Variants in RGS6 observed in about 807,000 individuals in gnomAD.
RGS6 encodes the protein regulator of G protein signaling 6, also known as regulator of G-protein signaling 6.
In RGS6, 30 loss-of-function variants were observed where a neutral mutation model predicts 78.5. The ratio of observed to expected loss-of-function variants is 0.38; its 90% CI spans 0.29 to 0.52. The LOEUF is 0.52. Among genes scored for constraint, RGS6 ranks in the 20% least tolerant of loss-of-function variants. RGS6 has a pLI of 0.85. For synonymous variants in RGS6, 206 were observed against 206.0 expected (o/e 1.00, Z 0.00); for missense variants, 495 against 609.7 (o/e 0.81, Z 1.98).
chr14:72,546,802 G>T (rs193184990), intron 17 of RGS6, among the ~76,000 whole-genome samples: 11 of 152,180 alleles, frequency 7.2e-5, no homozygotes, highest in Non-Finnish European at 1.6e-4. Context: ...GATCCAAATC[G>T]CGTACCCTGC....
intron 2 of RGS6, among the ~76,000 whole-genome samples, chr14:72,107,359 A>G (rs888352952): frequency 2.0e-5 from 3 of 152,314 alleles, no homozygotes; most frequent in East Asian, 1.9e-4. Context: ...AGCCTCTTCA[A>G]CTTGGCTCTT....
intron 3 of RGS6, among the ~76,000 whole-genome samples, chr14:72,419,611 T>G (rs185558235): frequency 6.6e-6 from 1 of 152,230 alleles, no homozygotes; most frequent in Admixed American, 6.5e-5. Context: ...GTTCCTGCTT[T>G]GTGCTGGCCA....
At chr14:72,397,880 C>T (rs1566731360) in intron 3 of RGS6, among the ~76,000 whole-genome samples, 1 of 152,140 alleles carries the variant, frequency 6.6e-6, no homozygotes, top group Non-Finnish European at 1.5e-5. Flanking sequence ...TTGAACCAGC[C>T]TTGCATCCCA....
intron 2 of RGS6, among the ~76,000 whole-genome samples, chr14:72,342,725 CAAAAAAAAAAAAAA>C (rs58717636): frequency 1.4e-5 from 1 of 71,412 alleles, no homozygotes; most frequent in Non-Finnish European, 2.5e-5. Flanking sequence ...GGCTTTGTCT[CAAAAAAAAAAAAAA>C]AAAAAAAAAA....
chr14:71,925,272 GATTGA>G, the RGS6 span, among the ~76,000 whole-genome samples: 1 of 152,182 alleles, frequency 6.6e-6, no homozygotes, highest in East Asian at 1.9e-4. Context: ...GTTTTCTTGC[GATTGA>G]ATTGAGTTCC....
chr14:72,127,325 A>G (rs1348884194), intron 2 of RGS6, among the ~76,000 whole-genome samples: 1 of 152,224 alleles, frequency 6.6e-6, no homozygotes, highest in Non-Finnish European at 1.5e-5. Flanking sequence ...ATTAGTATGT[A>G]AAGGAGCACT....
intron 17 of RGS6, among the ~76,000 whole-genome samples, chr14:72,554,103 G>A (rs780439540): frequency 2.0e-5 from 3 of 152,228 alleles, no homozygotes; most frequent in Non-Finnish European, 2.9e-5. Flanking sequence ...TGATAGTGGG[G>A]AAGAAAGAAA....
At chr14:72,619,772 G>T in the RGS6 span, 1 of 887,968 alleles carries the variant, frequency 1.1e-6, no homozygotes, top group Non-Finnish European at 1.6e-6. Flanking sequence ...GTGGGGTTGT[G>T]ATGATTAAAT....
At chr14:72,401,240 T>TAC (rs979904640) in intron 3 of RGS6, among the ~76,000 whole-genome samples, 1 of 152,098 alleles carries the variant, frequency 6.6e-6, no homozygotes, top group Non-Finnish European at 1.5e-5. Context: ...CGGACAAATA[T>TAC]GTTAACTAAA....
At chr14:72,399,885 AT>A (rs2092129885) in intron 3 of RGS6, among the ~76,000 whole-genome samples, 1 of 152,262 alleles carries the variant, frequency 6.6e-6, no homozygotes, top group South Asian at 2.1e-4. Context: ...ATATGGGACT[AT>A]GTGTAAAGCC....
chr14:72,003,653 C>T (rs1297399241), intron 2 of RGS6, among the ~76,000 whole-genome samples: 1 of 152,116 alleles, frequency 6.6e-6, no homozygotes, highest in African/African-American at 2.4e-5. Flanking sequence ...CTCCAGAAAG[C>T]AGCCTCTTAT....
intron 2 of RGS6, among the ~76,000 whole-genome samples, chr14:72,253,800 C>G (rs577361098): frequency 6.6e-6 from 1 of 152,310 alleles, no homozygotes; most frequent in Admixed American, 6.5e-5. Flanking sequence ...GCTGGACATT[C>G]AGCATAACTA....
At chr14:72,177,786 C>G (rs1360067423) in intron 2 of RGS6, among the ~76,000 whole-genome samples, 1 of 152,076 alleles carries the variant, frequency 6.6e-6, no homozygotes, top group African/African-American at 2.4e-5. Context: ...TGTAAATGAC[C>G]AATTCTAGTA....
intron 2 of RGS6, among the ~76,000 whole-genome samples, chr14:72,047,910 T>TG (rs1453944986): frequency 6.7e-6 from 1 of 148,216 alleles, no homozygotes. Context: ...TTTTTTTTTT[T>TG]TTTTTTTTTT....
intron 2 of RGS6, among the ~76,000 whole-genome samples, chr14:72,253,522 T>C (rs1461180506): frequency 6.6e-6 from 1 of 152,234 alleles, no homozygotes; most frequent in Non-Finnish European, 1.5e-5. Flanking sequence ...CTATTGACAA[T>C]ATATAAACAA....
intron 3 of RGS6, among the ~76,000 whole-genome samples, chr14:72,411,655 G>C (rs2093421986): frequency 6.6e-6 from 1 of 152,274 alleles, no homozygotes; most frequent in African/African-American, 2.4e-5. Context: ...AGTTTTCAAA[G>C]GTAATGCTTC....
At chr14:72,135,241 A>G (rs2096413326) in intron 2 of RGS6, among the ~76,000 whole-genome samples, 1 of 152,034 alleles carries the variant, frequency 6.6e-6, no homozygotes, top group African/African-American at 2.4e-5. Context: ...GGTCACAAAA[A>G]CCTTGGTCTG....
chr14:72,324,060 C>T (rs1033693298), intron 2 of RGS6, among the ~76,000 whole-genome samples: 3 of 151,910 alleles, frequency 2.0e-5, no homozygotes, highest in African/African-American at 4.8e-5. Flanking sequence ...TGTACTCTCT[C>T]GTTATTCTAA....
intron 3 of RGS6, among the ~76,000 whole-genome samples, chr14:72,431,570 CA>C (rs1267311618): frequency 9.3e-6 from 1 of 108,050 alleles, no homozygotes; most frequent in Non-Finnish European, 2.0e-5. Context: ...TTTTAGTAGA[CA>C]CGGGATTTCA....
Sources: allele counts gnomAD v4.1 joint callset (sites outside exome capture counted in the v4.1 genomes callset), GRCh38; gene constraint gnomAD v4.1.1; transcripts MANE v1.5; gene names NCBI Gene and HGNC (gene_info 2026-07-23, HGNC 2026-07-21).